ENO4: variants seen among roughly 807,000 people sequenced by gnomAD.
ENO4 encodes the protein 2-phospho-D-glycerate hydro-lyase.
A neutral mutation model predicts 63.2 loss-of-function variants in ENO4; 53 were observed. That is an observed-to-expected ratio of 0.84 (90% CI 0.67 to 1.05). The LOEUF (loss-of-function observed/expected upper bound fraction) is 1.05. ENO4 is among the 50% of genes least tolerant of loss of function. The pLI is 0.00. For synonymous variants in ENO4, 266 were observed against 283.8 expected (o/e 0.94, Z 0.63); for missense variants, 719 against 772.0 (o/e 0.93, Z 0.81).
intron 10 of ENO4, among the ~76,000 whole-genome samples, chr10:116,898,773 C>A (rs973699163): frequency 2.6e-5 from 4 of 151,966 alleles, no homozygotes; most frequent in African/African-American, 9.7e-5. Flanking sequence ...AAAAAAAACA[C>A]CCTTGCTTTG....
chr10:116,860,980 T>G lies in ENO4; in HGVS notation c.804+17T>G, dbSNP rs1317978853. The G allele has an allele frequency of 3.3e-6, 5 of 1,533,712 alleles. No homozygotes were observed. Among genetic ancestry groups the G allele is most frequent in the Non-Finnish European group, 3.5e-6 (4 of 1,135,504 alleles). ...CACAATCAGGTTAGTATCTATGAAG[T>G]TCCATTAAAAGGAGCCATGAGTATC... On this transcript the variant is annotated intron_variant, in intron 5 of 13. Coordinates refer to ENST00000341276, the MANE Select transcript of ENO4 (RefSeq NM_001242699.2).
intron 10 of ENO4, among the ~76,000 whole-genome samples, chr10:116,909,546 C>A (rs1007202222): frequency 6.6e-6 from 1 of 152,166 alleles, no homozygotes; most frequent in African/African-American, 2.4e-5. Context: ...TCCTAAACCT[C>A]AAAACCTTTT....
chr10:116,878,800 G>C (rs566867329), intron 11 of ENO4, among the ~76,000 whole-genome samples: 5 of 141,630 alleles, frequency 3.5e-5, no homozygotes, highest in African/African-American at 5.2e-5. Flanking sequence ...CTGGAGTGCA[G>C]TGGCGCGATC....
intron 9 of ENO4, among the ~76,000 whole-genome samples, chr10:116,873,303 C>T (rs17610740): frequency 0.028 from 4,337 of 152,264 alleles, 104 homozygotes; most frequent in Non-Finnish European, 0.044. Flanking sequence ...AGCAGGAAGG[C>T]ATTAGCAAAC....
At chr10:116,901,177 T>C (rs1847720604) in intron 10 of ENO4, 1 of 985,436 alleles carries the variant, frequency 1.0e-6, no homozygotes, top group African/African-American at 1.7e-5. Context: ...CTGCCATTGT[T>C]ATAAAACAAA....
At chr10:116,898,342 C>T (rs907245803) in intron 10 of ENO4, among the ~76,000 whole-genome samples, 2 of 151,468 alleles carry the variant, frequency 1.3e-5, no homozygotes, top group African/African-American at 4.9e-5. Flanking sequence ...AAAAAAAATT[C>T]TATAATTTAG....
chr10:116,906,499 T>C, intron 10 of ENO4: 1 of 904,824 alleles, frequency 1.1e-6, no homozygotes, highest in East Asian at 2.8e-5. Context: ...CATCCCATAC[T>C]TCTCACTCAC....
At chr10:116,866,941 C>T (rs1387495516) in intron 7 of ENO4, among the ~76,000 whole-genome samples, 1 of 152,094 alleles carries the variant, frequency 6.6e-6, no homozygotes, top group African/African-American at 2.4e-5. Context: ...GATAACAGAT[C>T]ATTCCCAACA....
At chr10:116,879,139 T>C (rs1238416245) in intron 11 of ENO4, among the ~76,000 whole-genome samples, 152 bp from the exon 12 acceptor site, 1 of 152,122 alleles carries the variant, frequency 6.6e-6, no homozygotes, top group African/African-American at 2.4e-5. Context: ...AGCAGGGCAA[T>C]AAAAATGCAA....
At chr10:116,880,203 G>A (rs1374737709) in intron 13 of ENO4, among the ~76,000 whole-genome samples, 1 of 152,030 alleles carries the variant, frequency 6.6e-6, no homozygotes, top group East Asian at 1.9e-4. Context: ...CCTTTTTCTT[G>A]ATGAATAGGC....
chr10:116,849,760 C>G, intron 1 of ENO4, 29 bp downstream of exon 1: 1 of 1,477,418 alleles, frequency 6.8e-7, no homozygotes, highest in Non-Finnish European at 9.0e-7. Context: ...CGCTCTCCTC[C>G]CGCCAACCCC....
intron 10 of ENO4, among the ~76,000 whole-genome samples, chr10:116,909,723 C>CA (rs1848116643): frequency 1.3e-5 from 2 of 152,156 alleles, no homozygotes; most frequent in South Asian, 4.1e-4. Flanking sequence ...GAAACTCCCC[C>CA]AAACCAGAGA....
Position 116,878,774 on chromosome 10 carries a change from G to A in ENO4, c.1538-517G>A, listed in dbSNP as rs550880980. On this transcript the variant is annotated intron_variant, in intron 11 of 13. Transcript: ENST00000341276. ...TTTTTTTTTTTTGAGACGGAGTCTT[G>A]CTCTGTCGCCCAGAGCTGGAGTGCA... 1.3e-3 allele frequency among the ~76,000 whole-genome samples: 139 copies of A among 105,400 alleles called. 1 individual carries two copies. The highest frequency in any genetic ancestry group is 2.2e-3 in the Non-Finnish European group (123 of 56,556). 69.1% of individuals were successfully genotyped at this position (105,400 alleles called of 152,430 possible). A position where few individuals can be genotyped will look rare whatever the true frequency, so the allele number is the denominator to read the frequency against.
intron 10 of ENO4, among the ~76,000 whole-genome samples, chr10:116,908,147 C>A (rs949926228): frequency 6.6e-6 from 1 of 151,432 alleles, no homozygotes; most frequent in Non-Finnish European, 1.5e-5. Flanking sequence ...AGGGAGGAAA[C>A]TGACTAACAA....
At chr10:116,899,550 A>T (rs2627191) in intron 10 of ENO4, among the ~76,000 whole-genome samples, 11,671 of 44,870 alleles carry the variant, frequency 0.26, 545 homozygotes, top group Middle Eastern at 0.36. Context: ...TGTGTGTGAG[A>T]GAGTGCATGC....
In ENO4 at chr10:116,881,930, G is replaced by A. The variant is rs994361075; in HGVS notation, c.*261G>A. ...TCTCCTGTCCATTTTTCAGGGACAC[G>A]CTCCAGTAAAAGAGGCCAATATTTT... On this transcript the variant is annotated 3_prime_UTR_variant, in exon 14 of 14. Transcript: ENST00000341276. The A allele has an allele frequency of 8.0e-5, 26 of 323,594 alleles. No individual in the cohort carries two copies. The highest frequency in any genetic ancestry group is 1.4e-4 in the Non-Finnish European group (26 of 180,008). The allele number at this position is 323,594 out of a possible 1,614,324, so 20.0% of individuals were successfully genotyped here. A position where few individuals can be genotyped will look rare whatever the true frequency, so the allele number is the denominator to read the frequency against.
At chr10:116,902,926 C>A (rs1215569606) in intron 10 of ENO4, among the ~76,000 whole-genome samples, 1 of 152,096 alleles carries the variant, frequency 6.6e-6, no homozygotes, top group Non-Finnish European at 1.5e-5. Context: ...TAATCCCTGA[C>A]CATTGGTATT....
At position 116,849,689 on chromosome 10, in the gene ENO4, C is replaced by T. The variant is rs1410595096; in HGVS notation, c.123C>T (p.Asn41=). The change falls in exon 1 of 14, where the codon AAC becomes AAT. Residue 41 remains asparagine (N), a synonymous_variant. Transcript: ENST00000341276. ...CGCGCAGGCTGGAAGAGCTGCTCAA[C>T]TCCACCTTCTACCTCCAGCCTGCCG... is the stretch of plus-strand genomic sequence containing the variant. ...DVPRRLEELL[N]STFYLQPADV... 4 of 1,547,372 alleles carry T rather than the reference C, an allele frequency of 2.6e-6. No individual in the cohort carries two copies. Among genetic ancestry groups the T allele is most frequent in the South Asian group, 2.4e-5 (2 of 83,552 alleles).
chr10:116,881,646 G>A lies in ENO4; in HGVS notation c.1855G>A (p.Glu619Lys), dbSNP rs868597373. The change falls in exon 14 of 14, where the codon GAA (glutamate) becomes AAA (lysine). Residue 619 changes from glutamate to lysine, a missense_variant. This residue lies in a region of ENO4 where 168 missense variants were observed against 163.3 expected (regional missense o/e 1.03). Transcript: ENST00000341276. Reference sequence around the variant, plus strand: ...CACACAAGGTGTAGAGGAATCAGCCGAAACAGGAGCATCCTCTGGATAGGG... The same window carrying A: ...CACACAAGGTGTAGAGGAATCAGCCAAAACAGGAGCATCCTCTGGATAGGG... ...FPTQGVEESA[E>K]TGASSG is the part of the protein sequence containing the mutation. 98 of 1,546,662 alleles carry A rather than the reference G, an allele frequency of 6.3e-5. No individual in the cohort carries two copies. Among genetic ancestry groups the A allele is most frequent in the Middle Eastern group, 1.7e-4 (1 of 5,998 alleles).
Sources: gnomAD v4.1 joint callset for allele counts (sites outside exome capture counted in the v4.1 genomes callset) on GRCh38, gnomAD v4.1.1 for gene constraint, gnomAD v4.1.1 regional missense constraint, MANE v1.5 for transcripts, NCBI Gene and HGNC (gene_info 2026-07-23, HGNC 2026-07-21) for gene names.